Variants in ENAH observed in about 807,000 individuals in gnomAD.
ENAH encodes protein enabled homolog.
ENAH carries 23 observed loss-of-function variants against 78.7 expected under a neutral mutation model. That is an observed-to-expected ratio of 0.29 (90% CI 0.21 to 0.41). The LOEUF (loss-of-function observed/expected upper bound fraction) is 0.41. Ranked by LOEUF, ENAH falls within the 10% of genes least tolerant of loss-of-function variation. The pLI, the probability that ENAH is intolerant of heterozygous loss-of-function variation, is 1.00. For synonymous variants in ENAH, 226 were observed against 241.0 expected, an observed-to-expected ratio of 0.94 and a Z score of 0.58; for missense variants, 544 against 691.0, an observed-to-expected ratio of 0.79 and a Z score of 2.39.
At chr1:225,642,816 CA>C (rs901443874) in intron 1 of ENAH, among the ~76,000 whole-genome samples, 6 of 152,118 alleles carry the variant, frequency 3.9e-5, no homozygotes, top group African/African-American at 1.4e-4. Flanking sequence ...GACATCCACA[CA>C]AAAATAAAGC....
At chr1:225,581,855 ATT>A (rs35457889) in intron 1 of ENAH, among the ~76,000 whole-genome samples, 336 of 143,328 alleles carry the variant, frequency 2.3e-3, no homozygotes, top group Non-Finnish European at 2.7e-3. Flanking sequence ...CACCCAGCTA[ATT>A]TTTTTTTTTT....
chr1:225,563,579 AT>A (rs1177428796), intron 2 of ENAH, among the ~76,000 whole-genome samples: 2 of 152,178 alleles, frequency 1.3e-5, no homozygotes, highest in Admixed American at 6.5e-5. Context: ...AAGTTATCTA[AT>A]GTTAACCATC....
chr1:225,536,368 T>G (rs950328402), intron 3 of ENAH, among the ~76,000 whole-genome samples: 8 of 151,920 alleles, frequency 5.3e-5, no homozygotes, highest in African/African-American at 1.9e-4. Flanking sequence ...CACTCAAAAT[T>G]GAGATGAGAC....
At chr1:225,548,942 C>T (rs1328638918) in intron 3 of ENAH, among the ~76,000 whole-genome samples, 3 of 151,924 alleles carry the variant, frequency 2.0e-5, no homozygotes, top group African/African-American at 4.8e-5. Flanking sequence ...CTCCGCCTCC[C>T]GGGTTCAAGC....
intron 3 of ENAH, among the ~76,000 whole-genome samples, chr1:225,543,038 C>A (rs1261851863): frequency 6.6e-6 from 1 of 151,014 alleles, no homozygotes; most frequent in Admixed American, 6.6e-5. Flanking sequence ...AAAAAAAGTT[C>A]TGTACTTTAT....
chr1:225,647,957 T>A (rs184639940), intron 1 of ENAH, among the ~76,000 whole-genome samples: 1 of 151,290 alleles, frequency 6.6e-6, no homozygotes, highest in African/African-American at 2.4e-5. Flanking sequence ...ATAAATTCAA[T>A]AGCAAAAAAA....
intron 10 of ENAH, 92 bp downstream of exon 10, chr1:225,511,719 G>T: frequency 1.1e-6 from 1 of 875,046 alleles, no homozygotes; most frequent in Non-Finnish European, 1.8e-6. Context: ...CAGTCACTTG[G>T]TCCAAATATG....
chr1:225,573,585 GA>G (rs1240632953), intron 1 of ENAH, among the ~76,000 whole-genome samples: 1 of 152,106 alleles, frequency 6.6e-6, no homozygotes, highest in Non-Finnish European at 1.5e-5. Context: ...AAAAATTCAA[GA>G]AAGTGGCAGC....
At chr1:225,630,237 A>AT (rs200122217) in intron 1 of ENAH, among the ~76,000 whole-genome samples, 5,551 of 149,470 alleles carry the variant, frequency 0.037, 192 homozygotes, top group South Asian at 0.056. Flanking sequence ...ACAGAAAGTA[A>AT]TTTTTTTTTT....
At chr1:225,636,743 AATTT>A (rs1421249667) in intron 1 of ENAH, among the ~76,000 whole-genome samples, 1 of 152,210 alleles carries the variant, frequency 6.6e-6, no homozygotes, top group Non-Finnish European at 1.5e-5. Flanking sequence ...TTAGTTTTTT[AATTT>A]ATTCAAAAAA....
intron 1 of ENAH, among the ~76,000 whole-genome samples, chr1:225,583,690 C>G (rs2096830882): frequency 6.6e-6 from 1 of 151,608 alleles, no homozygotes; most frequent in Admixed American, 6.6e-5. Flanking sequence ...TGCCTGTAAT[C>G]TGAGCTACCT....
In ENAH at chr1:225,644,173, CATAA is replaced by C. The variant is rs777498430; in HGVS notation, c.5+8509_5+8512del. 5.3e-5 allele frequency among the ~76,000 whole-genome samples: 8 copies of C among 151,978 alleles called. No individual in the cohort carries two copies. The East Asian group carries it at 1.4e-3, about 26-fold the overall frequency. On this transcript the variant is annotated intron_variant, in intron 1 of 13. Coordinates refer to ENST00000366843, the MANE Select transcript of ENAH (RefSeq NM_018212.6). ...ACTAGATGGCTTGGATTTAACATTTCATAAATAAATGTTTTATACTTTCCATACC... is the reference window on the plus strand; with the variant it reads ...ACTAGATGGCTTGGATTTAACATTTCATAAATGTTTTATACTTTCCATACC...
chr1:225,512,639 CTATCTT>C lies in ENAH; in HGVS notation c.1422+12_1422+17del, dbSNP rs776016943. On this transcript the variant is annotated intron_variant, in intron 9 of 13. Coordinates refer to ENST00000366843, the MANE Select transcript of ENAH (RefSeq NM_018212.6). The stretch of plus-strand genomic sequence containing the variant: ...ATTCCATATTTTAAGGTATGGTAGA[CTATCTT>C]TATTAACTTACACCTTTGTCCTCTT... The C allele has an allele frequency of 6.2e-6, 10 of 1,607,846 alleles. No individual in the cohort carries two copies. The African/African-American group carries it at 6.7e-5, about 11-fold the overall frequency.
At position 225,490,762 on chromosome 1, in the gene ENAH, C is replaced by T. The variant is rs1305738617; in HGVS notation, c.*7013G>A. The T allele has an allele frequency of 1.3e-5, 2 of 152,232 alleles. No individual in the cohort carries two copies. Among genetic ancestry groups the T allele is most frequent in the Non-Finnish European group, 2.9e-5 (2 of 68,046 alleles). The allele number at this position is 152,232 out of a possible 1,614,324, so 9.4% of individuals were successfully genotyped here. ...TCTAAGCCTTCCCAATTACTTTCCT[C>T]AGATAAACTATAAGCTATTCTTCTC... On this transcript the variant is annotated 3_prime_UTR_variant, in exon 14 of 14. Coordinates refer to ENST00000366843, the MANE Select transcript of ENAH (RefSeq NM_018212.6).
At chr1:225,631,316 C>T (rs1575796904) in intron 1 of ENAH, among the ~76,000 whole-genome samples, 2 of 152,154 alleles carry the variant, frequency 1.3e-5, no homozygotes, top group African/African-American at 4.8e-5. Context: ...TGGCTCATGC[C>T]TGTAATCCCA....
At chr1:225,636,320 T>A (rs1219675348) in intron 1 of ENAH, among the ~76,000 whole-genome samples, 2 of 152,222 alleles carry the variant, frequency 1.3e-5, no homozygotes, top group African/African-American at 4.8e-5. Context: ...GAAACAGAAC[T>A]GCTGACTGGG....
rs2096269402 is a variant in ENAH, at chr1:225,499,386, A to G, written c.1618-982T>C. On this transcript the variant is annotated intron_variant, in intron 12 of 13. Coordinates refer to ENST00000366843, the MANE Select transcript of ENAH (RefSeq NM_018212.6). The stretch of plus-strand genomic sequence containing the variant: ...CTGGGCCCTCCTTCAAGAACTGCAG[A>G]TTTGGCCAGGTGTGGTGGCTCACAC... Among the ~76,000 whole-genome samples the G allele has an allele frequency of 2.0e-5, 3 of 152,148 alleles. No individual in the cohort carries two copies. The South Asian group carries it at 6.2e-4, about 31-fold the overall frequency.
At chr1:225,616,331 T>TAAA (rs79946774) in intron 1 of ENAH, among the ~76,000 whole-genome samples, 2 of 126,722 alleles carry the variant, frequency 1.6e-5, no homozygotes, top group Admixed American at 8.0e-5. Flanking sequence ...AATAAATACT[T>TAAA]AAAAAAAAAA....
At chr1:225,558,212 C>T (rs185869645) in intron 2 of ENAH, among the ~76,000 whole-genome samples, 16 of 152,206 alleles carry the variant, frequency 1.1e-4, no homozygotes, top group Non-Finnish European at 1.2e-4. Context: ...CAAAGTAATG[C>T]TGGACTTAAA....
Sources: allele counts gnomAD v4.1 joint callset (sites outside exome capture counted in the v4.1 genomes callset), GRCh38; gene constraint gnomAD v4.1.1; transcripts MANE v1.5; gene names NCBI Gene and HGNC (gene_info 2026-07-23, HGNC 2026-07-21).